The following ABCG2 variants were observed in gnomAD, a reference collection of about 807,000 sequenced individuals.
The protein encoded by ABCG2 is broad substrate specificity ATP-binding cassette transporter ABCG2.
Under a neutral mutation model 73.5 loss-of-function variants are expected in ABCG2, and 80 were observed. That is an observed-to-expected ratio of 1.09 (90% CI 0.91 to 1.31). ABCG2 has a LOEUF of 1.31. Ranked by LOEUF, ABCG2 falls within the 50% of genes most tolerant of loss-of-function variation. The pLI, the probability that ABCG2 is intolerant of heterozygous loss-of-function variation, is 0.00. For missense variants in ABCG2, 796 were observed against 786.2 expected, an observed-to-expected ratio of 1.01 and a Z score of -0.15; for synonymous variants, 269 against 282.4, an observed-to-expected ratio of 0.95 and a Z score of 0.48.
At position 88,112,077 on chromosome 4, in the gene ABCG2, C is replaced by A. The variant is rs1422569597; in HGVS notation, c.1194+1226G>T. Among the ~76,000 whole-genome samples the A allele has an allele frequency of 1.0e-4, 14 of 138,388 alleles. No homozygotes were observed. The Admixed American group carries it at 1.1e-3, about 11-fold the overall frequency. 90.8% of individuals were successfully genotyped at this position (138,388 alleles called of 152,430 possible). ...CTCCAGTATGAGTGACAGAGTGAGA[C>A]CCAGTCTCTAAAAAAAAAAAAATGT... On this transcript the variant is annotated intron_variant, in intron 9 of 15. Coordinates refer to ENST00000237612, the MANE Select transcript of ABCG2 (RefSeq NM_004827.3).
rs536142872 is a variant in ABCG2 at position 88,131,720 on chromosome 4, T to C, written c.378+83A>G. On this transcript the variant is annotated intron_variant, in intron 4 of 15. Coordinates refer to ENST00000237612, the MANE Select transcript of ABCG2 (RefSeq NM_004827.3). ...TCTAGGACCATGTCACATAATCAAC[T>C]GGAAGCACATTGAACTATCAGCCAA... 1,187 of 949,354 alleles carry C rather than the reference T, an allele frequency of 1.3e-3. 24 individuals are homozygous for C. In the South Asian group the frequency reaches 0.015, roughly 12 times the overall value. 58.8% of individuals were successfully genotyped at this position (949,354 alleles called of 1,614,324 possible).
intron 1 of ABCG2, among the ~76,000 whole-genome samples, chr4:88,202,517 G>A (rs1233801371): frequency 6.6e-6 from 1 of 151,234 alleles, no homozygotes; most frequent in Non-Finnish European, 1.5e-5. Flanking sequence ...AGGAGAAAGG[G>A]GAAACAGAGA....
intron 7 of ABCG2, 38 bp from the exon 8 acceptor site, chr4:88,115,096 G>T: frequency 7.0e-7 from 1 of 1,434,550 alleles, no homozygotes; most frequent in Non-Finnish European, 9.8e-7. Context: ...AAACTTGATG[G>T]TCTTGGAAAA....
At chr4:88,140,124 A>C in intron 1 of ABCG2, 110 bp from the exon 2 acceptor site, 1 of 894,232 alleles carries the variant, frequency 1.1e-6, no homozygotes, top group South Asian at 1.8e-5. Context: ...GGCAATGAGC[A>C]GCTTCATTTC....
chr4:88,211,358 G>GGGGCC, intron 1 of ABCG2, among the ~76,000 whole-genome samples: 1 of 33,674 alleles, frequency 3.0e-5, no homozygotes, highest in African/African-American at 1.1e-4. Context: ...TTCAACCCCT[G>GGGGCC]CCCCACCCCC....
chr4:88,107,230 CACCTATA>C lies in ABCG2; in HGVS notation c.1224_1230del (p.Ile409ProfsTer6). ...TCATTTTTTAGCCCAAAGTAAATGG[CACCTATA>C]ACCAGTCCCAGTACGACTGTGACAA... On this transcript the variant is annotated frameshift_variant, in exon 10 of 16. Coordinates refer to ENST00000237612, the MANE Select transcript of ABCG2 (RefSeq NM_004827.3). LOFTEE classifies it high-confidence loss of function. 1 of 1,613,260 alleles carries C rather than the reference CACCTATA, an allele frequency of 6.2e-7. No homozygotes were observed.
At chr4:88,189,244 A>C (rs984059475) in intron 1 of ABCG2, among the ~76,000 whole-genome samples, 2 of 152,096 alleles carry the variant, frequency 1.3e-5, no homozygotes, top group African/African-American at 2.4e-5. Context: ...TCATTGCTAG[A>C]GTATAAAATG....
chr4:88,199,915 T>C (rs1729090856), intron 1 of ABCG2, among the ~76,000 whole-genome samples: 1 of 152,228 alleles, frequency 6.6e-6, no homozygotes, highest in South Asian at 2.1e-4. Context: ...GGCGGGAGAA[T>C]GGCGTGAACC....
chr4:88,115,913 C>A (rs749623086), intron 7 of ABCG2, among the ~76,000 whole-genome samples: 1 of 152,052 alleles, frequency 6.6e-6, no homozygotes, highest in Admixed American at 6.6e-5. Flanking sequence ...AGAGGTCCAG[C>A]GCTGGGTGCA....
intron 5 of ABCG2, among the ~76,000 whole-genome samples, chr4:88,128,924 A>AT (rs555319613): frequency 5.8e-4 from 89 of 152,300 alleles, no homozygotes; most frequent in African/African-American, 2.0e-3. Flanking sequence ...GAAAGATAAA[A>AT]TTTTTTAAAA....
rs1224356262 is a variant in ABCG2, at chr4:88,167,267, C to T, written c.-19-27253G>A. ...CCTTGCTGAATGTCAACCAGGGGCA[C>T]CCTCAGCTCCTCTTGGCTGCCTGCA... On this transcript the variant is annotated intron_variant, in intron 1 of 15. Coordinates refer to the ABCG2 transcript ENST00000515655. 2.6e-5 allele frequency among the ~76,000 whole-genome samples: 4 copies of T among 152,062 alleles called. No homozygotes were observed. In the East Asian group the frequency reaches 7.7e-4, roughly 29 times the overall value.
chr4:88,096,020 G>A (rs1466356143), intron 13 of ABCG2, among the ~76,000 whole-genome samples: 1 of 152,168 alleles, frequency 6.6e-6, no homozygotes, highest in Admixed American at 6.5e-5. Context: ...GATAAATCCT[G>A]AGCGTCACAT....
intron 5 of ABCG2, among the ~76,000 whole-genome samples, chr4:88,127,953 AAG>A (rs1195799277): frequency 2.0e-4 from 30 of 147,980 alleles, no homozygotes; most frequent in Admixed American, 2.0e-4. Flanking sequence ...AGCAAAAAAA[AAG>A]AAAGAAAAAA....
At chr4:88,194,039 T>C (rs13109679) in intron 1 of ABCG2, among the ~76,000 whole-genome samples, 128,012 of 152,194 alleles carry the variant, frequency 0.84, 54,023 homozygotes, top group East Asian at 1. Context: ...GCCACCATGC[T>C]CGGCCAAAGG....
At chr4:88,132,177 T>G (rs1046382699) in intron 3 of ABCG2, among the ~76,000 whole-genome samples, 1 of 152,194 alleles carries the variant, frequency 6.6e-6, no homozygotes, top group African/African-American at 2.4e-5. Context: ...GCTGATCAAG[T>G]ACAGATCTCC....
chr4:88,100,385 C>T (rs1722312314), intron 11 of ABCG2, among the ~76,000 whole-genome samples: 2 of 151,756 alleles, frequency 1.3e-5, no homozygotes, highest in South Asian at 4.2e-4. Context: ...CACCTGTAAT[C>T]CCAGCTACTT....
At chr4:88,195,056 A>T (rs576854674) in intron 1 of ABCG2, among the ~76,000 whole-genome samples, 80 of 152,300 alleles carry the variant, frequency 5.3e-4, no homozygotes, top group African/African-American at 1.8e-3. Flanking sequence ...AATATTCTCT[A>T]TACTTCTTTT....
At chr4:88,163,231 G>A (rs1452250226), upstream of ABCG2, among the ~76,000 whole-genome samples, 1 of 152,080 alleles carries the variant, frequency 6.6e-6, no homozygotes, top group Non-Finnish European at 1.5e-5. Context: ...TGACTAATAT[G>A]GCAAGAGAAA....
chr4:88,196,312 A>T (rs1486486753), intron 1 of ABCG2, among the ~76,000 whole-genome samples: 1 of 152,150 alleles, frequency 6.6e-6, no homozygotes, highest in Non-Finnish European at 1.5e-5. Context: ...TTTTGTGAGG[A>T]TTAAGTGCTT....
Sources: allele counts gnomAD v4.1 joint callset (sites outside exome capture counted in the v4.1 genomes callset), GRCh38; gene constraint gnomAD v4.1.1; transcripts MANE v1.5; gene names NCBI Gene and HGNC (gene_info 2026-07-23, HGNC 2026-07-21).